CLIC6: variants seen among roughly 807,000 people sequenced by gnomAD.
CLIC6 encodes CLIC family member 6.
Under a neutral mutation model 49.2 loss-of-function variants are expected in CLIC6, and 39 were observed. That is an observed-to-expected ratio of 0.79 (90% CI 0.61 to 1.04). CLIC6 has a LOEUF of 1.04. Ranked by LOEUF, CLIC6 falls within the 50% of genes least tolerant of loss-of-function variation. CLIC6 has a pLI of 0.00. For missense variants in CLIC6, 988 were observed against 993.1 expected, an observed-to-expected ratio of 0.99 and a Z score of 0.07; for synonymous variants, 446 against 433.4, an observed-to-expected ratio of 1.03 and a Z score of -0.36.
At chr21:34,705,967 GA>G in intron 1 of CLIC6, 1 of 631,864 alleles carries the variant, frequency 1.6e-6, no homozygotes, top group Non-Finnish European at 2.8e-6. Flanking sequence ...AGGACCCACT[GA>G]ATCAAACTCT....
chr21:34,702,153 C>T (rs1053568149), intron 1 of CLIC6, among the ~76,000 whole-genome samples: 1 of 152,216 alleles, frequency 6.6e-6, no homozygotes, highest in Non-Finnish European at 1.5e-5. Flanking sequence ...GCTCTAGGAA[C>T]ACCCTGATGA....
intron 1 of CLIC6, among the ~76,000 whole-genome samples, chr21:34,673,750 A>G (rs1989613251): frequency 2.0e-5 from 3 of 152,242 alleles, no homozygotes; most frequent in African/African-American, 7.2e-5. Flanking sequence ...TAAACAAACA[A>G]ACAAAAAAAC....
At position 34,669,409 on chromosome 21, in the gene CLIC6, G is replaced by C; in HGVS notation, c.21G>C (p.Pro7=). 1 of 1,236,134 alleles carries C rather than the reference G, an allele frequency of 8.1e-7. No individual in the cohort carries two copies. Among genetic ancestry groups the C allele is most frequent in the Non-Finnish European group, 1.0e-6 (1 of 990,366 alleles). The allele number at this position is 1,236,134 out of a possible 1,614,324, so 76.6% of individuals were successfully genotyped here. A position where few individuals can be genotyped will look rare whatever the true frequency, so the allele number is the denominator to read the frequency against. The part of the protein sequence containing the change: MAEAAE[P]EGVAPGPQGP... ...CGGCCATGGCCGAGGCCGCGGAGCCGGAGGGGGTTGCCCCGGGTCCCCAGG... is the reference window on the plus strand; with the variant it reads ...CGGCCATGGCCGAGGCCGCGGAGCCCGAGGGGGTTGCCCCGGGTCCCCAGG... Residue 7 remains proline, a synonymous_variant, in exon 1 of 6, where the codon CCG becomes CCC. Coordinates refer to ENST00000349499, the MANE Select transcript of CLIC6 (RefSeq NM_053277.3).
chr21:34,715,548 C>A lies in CLIC6; in HGVS notation c.1900-773C>A, dbSNP rs117839350. Among the ~76,000 whole-genome samples the A allele has an allele frequency of 4.6e-3, 706 of 152,300 alleles. 11 individuals carry two copies. The highest frequency in any genetic ancestry group is 0.039 in the Admixed American group (597 of 15,298). ...ACTTCTGGCCCCCAGAACTAGGAAT[C>A]AGTAAACTTCTGTTGTTCTAAGCCT... On this transcript the variant is annotated intron_variant, in intron 5 of 5. Transcript: ENST00000349499.
chr21:34,708,006 G>C lies in CLIC6; in HGVS notation c.1547G>C (p.Gly516Ala), dbSNP rs1452162907. The C allele has an allele frequency of 6.2e-7, 1 of 1,613,916 alleles. No homozygotes were observed. Among genetic ancestry groups the C allele is most frequent in the Non-Finnish European group, 8.5e-7 (1 of 1,179,934 alleles). ...GTNPPFMTFD[G>A]EVKTDVNKIE... ...AACCCTCCTTTCATGACTTTTGATG[G>C]TGAAGTCAAGACGGATGTGAATAAG... is the stretch of plus-strand genomic sequence containing the variant. The change falls in exon 3 of 6, where the codon GGT (glycine) becomes GCT (alanine). Residue 516 changes from glycine to alanine, a missense_variant. Physicochemically the swap from Gly to Ala is moderately conservative, Grantham distance 60. Around this residue, in one of 3 missense-constraint regions of CLIC6, gnomAD observed 647 missense variants for 596.9 expected, o/e 1.08. Transcript: ENST00000349499.
At chr21:34,706,087 A>G (rs952001890) in intron 1 of CLIC6, 4 of 682,346 alleles carry the variant, frequency 5.9e-6, no homozygotes, top group Non-Finnish European at 1.1e-5. Flanking sequence ...GAGAGTGGGT[A>G]ATTTATAAAG....
rs548662808 is a variant in CLIC6, at chr21:34,670,262, G to C, written c.874G>C (p.Val292Leu). ...AEGPAGRARR[V>L]SGEPQQSGDG... ...GGGTCCGGCAGGAAGGGCGCGCCGG[G>C]TCTCGGGTGAGCCGCAGCAATCGGG... The change falls in exon 1 of 6, where the codon GTC becomes CTC. Residue 292 changes from valine to leucine, a missense_variant. This residue lies in a region of CLIC6 where 647 missense variants were observed against 596.9 expected (regional missense o/e 1.08). Transcript: ENST00000349499. The C allele has an allele frequency of 1.9e-5, 28 of 1,438,466 alleles. No homozygotes were observed. In the East Asian group the frequency reaches 5.2e-4, roughly 27 times the overall value. 89.1% of individuals were successfully genotyped at this position (1,438,466 alleles called of 1,614,324 possible). A position where few individuals can be genotyped will look rare whatever the true frequency, so the allele number is the denominator to read the frequency against.
At position 34,669,272 on chromosome 21, in the gene CLIC6, G is replaced by C. The variant is rs1601252635; in HGVS notation, c.-117G>C. ...GGCTAAACCTTTGCCGCAGGATCCC[G>C]GAGCCGGCGTCCTTCAAGGAGCACA... On this transcript the variant is annotated 5_prime_UTR_variant, in exon 1 of 6. Coordinates refer to ENST00000349499, the MANE Select transcript of CLIC6 (RefSeq NM_053277.3). 5.7e-6 allele frequency: 5 copies of C among 872,530 alleles called. No individual in the cohort carries two copies. The East Asian group carries it at 1.7e-4, about 29-fold the overall frequency. The allele number at this position is 872,530 out of a possible 1,614,324, so 54.0% of individuals were successfully genotyped here. A position where few individuals can be genotyped will look rare whatever the true frequency, so the allele number is the denominator to read the frequency against.
chr21:34,694,791 G>C (rs1343952595), intron 1 of CLIC6, among the ~76,000 whole-genome samples: 1 of 152,184 alleles, frequency 6.6e-6, no homozygotes, highest in Non-Finnish European at 1.5e-5. Context: ...TTTGGTGCAG[G>C]GATTCTCACT....
At chr21:34,688,371 C>T (rs546622893) in intron 1 of CLIC6, among the ~76,000 whole-genome samples, 30 of 152,188 alleles carry the variant, frequency 2.0e-4, no homozygotes, top group Admixed American at 3.9e-4. Flanking sequence ...CACTAGAGCG[C>T]AGGCGAGGGA....
At chr21:34,692,073 CT>C (rs1383449505) in intron 1 of CLIC6, among the ~76,000 whole-genome samples, 2 of 152,168 alleles carry the variant, frequency 1.3e-5, no homozygotes, top group African/African-American at 2.4e-5. Flanking sequence ...CTGCCTCAAA[CT>C]TTTTAGAAAG....
chr21:34,683,900 G>A (rs1025787792), intron 1 of CLIC6, among the ~76,000 whole-genome samples: 8 of 152,210 alleles, frequency 5.3e-5, no homozygotes, highest in Non-Finnish European at 1.2e-4. Flanking sequence ...AGGGAGAACT[G>A]AAATGCTCAA....
At chr21:34,690,952 G>A (rs1283445322) in intron 1 of CLIC6, among the ~76,000 whole-genome samples, 3 of 150,750 alleles carry the variant, frequency 2.0e-5, no homozygotes, top group Admixed American at 1.3e-4. Flanking sequence ...GTTTCTCCCT[G>A]TTTGGAGAGC....
At chr21:34,693,725 G>A (rs114940601) in intron 1 of CLIC6, among the ~76,000 whole-genome samples, 1 of 152,162 alleles carries the variant, frequency 6.6e-6, no homozygotes, top group Non-Finnish European at 1.5e-5. Flanking sequence ...GAACAAGCAG[G>A]CCTGCCCACA....
At position 34,703,452 on chromosome 21, in the gene CLIC6, G is replaced by A. The variant is rs573741525; in HGVS notation, c.1375-3828G>A. Among the ~76,000 whole-genome samples the A allele has an allele frequency of 3.9e-5, 6 of 151,974 alleles. No individual in the cohort carries two copies. In the East Asian group the frequency reaches 1.2e-3, roughly 29 times the overall value. ...CATCGCCCCGTCAGGTCTGCGTCGG[G>A]ATGCCAGGTGTTTGGTCCTTTGAAG... is the stretch of plus-strand genomic sequence containing the variant. On this transcript the variant is annotated intron_variant, in intron 1 of 5. Transcript: ENST00000349499.
intron 1 of CLIC6, among the ~76,000 whole-genome samples, chr21:34,675,239 G>A (rs922122179): frequency 7.5e-6 from 1 of 132,952 alleles, no homozygotes; most frequent in African/African-American, 2.8e-5. Context: ...CCAGAAATGA[G>A]CCCCCGCCCC....
intron 5 of CLIC6, among the ~76,000 whole-genome samples, chr21:34,714,803 C>T (rs1207139254): frequency 6.6e-6 from 1 of 151,686 alleles, no homozygotes; most frequent in East Asian, 1.9e-4. Context: ...TTTTAAATGA[C>T]CAGAAAGAGG....
chr21:34,716,537 A>T lies in CLIC6; in HGVS notation c.*55A>T. The T allele has an allele frequency of 2.1e-6, 3 of 1,454,774 alleles. No individual in the cohort carries two copies. Among genetic ancestry groups the T allele is most frequent in the Non-Finnish European group, 2.8e-6 (3 of 1,084,314 alleles). The allele number at this position is 1,454,774 out of a possible 1,614,324, so 90.1% of individuals were successfully genotyped here. A position where few individuals can be genotyped will look rare whatever the true frequency, so the allele number is the denominator to read the frequency against. ...GTTGAGTGAGCAAGGATACGAAAAC[A>T]GTGTGTTTGAAAACAAATTAGGTTT... On this transcript the variant is annotated 3_prime_UTR_variant, in exon 6 of 6. Transcript: ENST00000349499.
intron 1 of CLIC6, among the ~76,000 whole-genome samples, chr21:34,673,537 C>A (rs1285979853): frequency 6.6e-6 from 1 of 152,154 alleles, no homozygotes; most frequent in Admixed American, 6.5e-5. Context: ...GTGATCCACC[C>A]ACCGTGGCCT....
Sources: gnomAD v4.1 joint callset for allele counts (sites outside exome capture counted in the v4.1 genomes callset) on GRCh38, gnomAD v4.1.1 for gene constraint, gnomAD v4.1.1 regional missense constraint, MANE v1.5 for transcripts, NCBI Gene and HGNC (gene_info 2026-07-23, HGNC 2026-07-21) for gene names.